Variants in CNTN5 observed in about 807,000 individuals in gnomAD.
CNTN5 encodes contactin 5.
In CNTN5, 77 loss-of-function variants were observed where a neutral mutation model predicts 129.1. That is an observed-to-expected ratio of 0.60 (90% CI 0.50 to 0.72). The LOEUF (loss-of-function observed/expected upper bound fraction) is 0.72. Ranked by LOEUF, CNTN5 falls within the 30% of genes least tolerant of loss-of-function variation. The probability of loss-of-function intolerance (pLI) is 0.00; values close to 1 mark genes in which losing one functional copy is unlikely to be tolerated. For missense variants in CNTN5, 1,478 were observed against 1,328.8 expected, an observed-to-expected ratio of 1.11 and a Z score of -1.75; for synonymous variants, 509 against 465.6, an observed-to-expected ratio of 1.09 and a Z score of -1.20.
In CNTN5 at chr11:100,286,572, A is replaced by C. The variant is rs1224617111; in HGVS notation, c.2315-11053A>C. ...TGTCTGTTAGAAGGAAAACTAACAA[A>C]CAGAAAGGACATCCACACCAAAAAC... On this transcript the variant is annotated intron_variant, in intron 18 of 24. Transcript: ENST00000524871. Among the ~76,000 whole-genome samples the C allele has an allele frequency of 1.0e-3, 149 of 146,024 alleles. 1 individual carries two copies. Among genetic ancestry groups the C allele is most frequent in the African/African-American group, 3.6e-3 (141 of 39,168 alleles).
intron 3 of CNTN5, among the ~76,000 whole-genome samples, chr11:99,767,640 AC>A (rs1405129293): frequency 5.1e-5 from 7 of 136,928 alleles, no homozygotes; most frequent in South Asian, 2.4e-4. Context: ...AAAAAAAAAA[AC>A]CCATCAGATC....
At chr11:100,050,053 G>A (rs1022023161) in intron 9 of CNTN5, among the ~76,000 whole-genome samples, 11 of 152,274 alleles carry the variant, frequency 7.2e-5, no homozygotes, top group African/African-American at 2.6e-4. Flanking sequence ...CAACCATTGT[G>A]GAAGTCAGTG....
intron 13 of CNTN5, among the ~76,000 whole-genome samples, chr11:100,176,807 T>C (rs1947980733): frequency 6.6e-6 from 1 of 151,852 alleles, no homozygotes; most frequent in Non-Finnish European, 1.5e-5. Flanking sequence ...AACTACTGTT[T>C]GTTTTACTAC....
At chr11:99,924,025 CATGGT>C (rs1950002558) in intron 7 of CNTN5, among the ~76,000 whole-genome samples, 1 of 152,172 alleles carries the variant, frequency 6.6e-6, no homozygotes, top group African/African-American at 2.4e-5. Flanking sequence ...CTCCTGACCT[CATGGT>C]CCGCCGGCTT....
At chr11:99,775,269 T>C (rs555899884) in intron 3 of CNTN5, among the ~76,000 whole-genome samples, 1 of 152,208 alleles carries the variant, frequency 6.6e-6, no homozygotes, top group African/African-American at 2.4e-5. Context: ...TTTAATACGG[T>C]CATTTTCATT....
At chr11:99,282,318 G>A (rs960752241) in intron 1 of CNTN5, among the ~76,000 whole-genome samples, 2 of 152,094 alleles carry the variant, frequency 1.3e-5, no homozygotes, top group East Asian at 1.9e-4. Flanking sequence ...GTGGGGCCAT[G>A]CTGAGTACTA....
intron 2 of CNTN5, among the ~76,000 whole-genome samples, chr11:99,555,735 G>A (rs181125950): frequency 7.9e-5 from 12 of 151,864 alleles, no homozygotes; most frequent in Admixed American, 4.6e-4. Flanking sequence ...TTGGCCAACC[G>A]ATCATTAGTT....
chr11:100,208,086 A>T (rs1213856235), intron 15 of CNTN5, among the ~76,000 whole-genome samples: 2 of 152,184 alleles, frequency 1.3e-5, no homozygotes, highest in Non-Finnish European at 2.9e-5. Flanking sequence ...ACTACATTTA[A>T]GTATCAATGA....
chr11:99,777,500 A>C (rs1945165644), intron 3 of CNTN5, among the ~76,000 whole-genome samples: 1 of 151,932 alleles, frequency 6.6e-6, no homozygotes, highest in Non-Finnish European at 1.5e-5. Flanking sequence ...TTTGGAATTT[A>C]GTCTTCCACT....
At chr11:99,650,257 G>A (rs1402462614) in intron 3 of CNTN5, among the ~76,000 whole-genome samples, 1 of 151,920 alleles carries the variant, frequency 6.6e-6, no homozygotes, top group Non-Finnish European at 1.5e-5. Context: ...GGCTACTCAT[G>A]TTCGGAGTCA....
At chr11:99,772,448 A>G (rs1255121231) in intron 3 of CNTN5, among the ~76,000 whole-genome samples, 2 of 151,974 alleles carry the variant, frequency 1.3e-5, no homozygotes, top group African/African-American at 2.4e-5. Flanking sequence ...GGTGTCTTGG[A>G]TTTGCTCCTG....
intron 2 of CNTN5, among the ~76,000 whole-genome samples, chr11:99,444,161 T>C (rs1306619915): frequency 6.6e-6 from 1 of 151,520 alleles, no homozygotes; most frequent in Non-Finnish European, 1.5e-5. Flanking sequence ...ATCGCCCCAC[T>C]GCACTCTCCC....
intron 1 of CNTN5, among the ~76,000 whole-genome samples, chr11:99,021,617 C>G (rs1484172125): frequency 6.6e-6 from 1 of 152,050 alleles, no homozygotes; most frequent in Non-Finnish European, 1.5e-5. Flanking sequence ...ACAAAAGAAA[C>G]TAAATGTTTG....
intron 13 of CNTN5, among the ~76,000 whole-genome samples, chr11:100,138,721 C>T (rs1268811588): frequency 6.6e-6 from 1 of 152,008 alleles, no homozygotes; most frequent in Non-Finnish European, 1.5e-5. Context: ...ATATAGAAGC[C>T]TTTCAAGTGT....
At chr11:99,091,317 A>G (rs1264966528) in intron 1 of CNTN5, among the ~76,000 whole-genome samples, 1 of 152,206 alleles carries the variant, frequency 6.6e-6, no homozygotes, top group East Asian at 1.9e-4. Context: ...GTAGACCTGG[A>G]TTTGATTACT....
intron 1 of CNTN5, among the ~76,000 whole-genome samples, chr11:99,315,605 T>C (rs996624083): frequency 6.7e-6 from 1 of 149,700 alleles, no homozygotes; most frequent in Admixed American, 6.7e-5. Context: ...TTTTGTGTTG[T>C]TTTATTTCGC....
At chr11:99,518,668 C>A (rs1434915814) in intron 2 of CNTN5, among the ~76,000 whole-genome samples, 2 of 151,976 alleles carry the variant, frequency 1.3e-5, no homozygotes, top group Non-Finnish European at 2.9e-5. Context: ...TATGGTCTTC[C>A]ATTGTTTCTT....
chr11:99,129,369 T>C (rs1858815543), intron 1 of CNTN5, among the ~76,000 whole-genome samples: 3 of 152,002 alleles, frequency 2.0e-5, no homozygotes, highest in Admixed American at 2.0e-4. Flanking sequence ...TTGAAGGCCA[T>C]CTTGCTGAAA....
chr11:100,054,164 T>A (rs12281013), intron 9 of CNTN5, among the ~76,000 whole-genome samples: 18,209 of 151,390 alleles, frequency 0.12, 1,337 homozygotes, highest in Middle Eastern at 0.26. Flanking sequence ...GGTCCAAGAG[T>A]GAGAGCAGCA....
Sources: gnomAD v4.1 joint callset for allele counts (sites outside exome capture counted in the v4.1 genomes callset) on GRCh38, gnomAD v4.1.1 for gene constraint, MANE v1.5 for transcripts, NCBI Gene and HGNC (gene_info 2026-07-23, HGNC 2026-07-21) for gene names.